Variants in SLC39A11 observed in about 807,000 individuals in gnomAD.
The protein encoded by SLC39A11 is solute carrier family 39 member 11, also known as zinc transporter ZIP11.
In SLC39A11, 33 loss-of-function variants were observed where a neutral mutation model predicts 36.1. The observed-to-expected ratio is 0.91, with a 90% confidence interval of 0.69 to 1.22. The LOEUF (loss-of-function observed/expected upper bound fraction) is 1.22, where lower values mean the gene tolerates loss of function less well. Among genes scored for constraint, SLC39A11 ranks in the 50% most tolerant of loss-of-function variants. SLC39A11 has a pLI of 0.00. For synonymous variants in SLC39A11, 166 were observed against 170.3 expected (o/e 0.97, Z 0.20); for missense variants, 432 against 430.3 (o/e 1.00, Z -0.03).
chr17:73,081,667 A>ATATATGTATATATGTATG (rs1465158762), intron 3 of SLC39A11, among the ~76,000 whole-genome samples: 11 of 144,442 alleles, frequency 7.6e-5, no homozygotes, highest in South Asian at 2.2e-4. Context: ...ACACACACAC[A>ATATATGTATATATGTATG]CACATATATA....
intron 4 of SLC39A11, among the ~76,000 whole-genome samples, chr17:73,025,007 C>T (rs754761883): frequency 3.3e-5 from 5 of 151,958 alleles, no homozygotes; most frequent in Admixed American, 1.3e-4. Flanking sequence ...TGAGCTACCG[C>T]GCCTGGCCAA....
At chr17:72,881,109 T>C (rs376378111) in intron 5 of SLC39A11, among the ~76,000 whole-genome samples, 7 of 151,982 alleles carry the variant, frequency 4.6e-5, no homozygotes, top group East Asian at 2.0e-4. Flanking sequence ...GGTAGTTACT[T>C]AAAAAGTTAA....
chr17:72,877,923 C>T (rs888845739), intron 5 of SLC39A11, among the ~76,000 whole-genome samples: 1 of 150,972 alleles, frequency 6.6e-6, no homozygotes, highest in African/African-American at 2.4e-5. Flanking sequence ...CACGCATTAA[C>T]TCATCATTTA....
chr17:73,035,997 C>G (rs1355506861), intron 3 of SLC39A11, among the ~76,000 whole-genome samples: 1 of 151,870 alleles, frequency 6.6e-6, no homozygotes, highest in Non-Finnish European at 1.5e-5. Context: ...AGGCCATCTG[C>G]TAGGGAAGGG....
At chr17:72,882,710 GA>G (rs2081255384) in intron 5 of SLC39A11, among the ~76,000 whole-genome samples, 1 of 151,978 alleles carries the variant, frequency 6.6e-6, no homozygotes, top group Non-Finnish European at 1.5e-5. Flanking sequence ...CATTGGCAAG[GA>G]AAGTAACACC....
At chr17:72,791,646 C>G (rs1463512489) in intron 6 of SLC39A11, among the ~76,000 whole-genome samples, 1 of 152,134 alleles carries the variant, frequency 6.6e-6, no homozygotes, top group Non-Finnish European at 1.5e-5. Flanking sequence ...TGTCCCCACC[C>G]AAATCTCATC....
intron 4 of SLC39A11, among the ~76,000 whole-genome samples, chr17:72,982,656 A>T (rs1342742648): frequency 6.6e-6 from 1 of 151,506 alleles, no homozygotes; most frequent in Admixed American, 6.6e-5. Context: ...AGAAATCTGG[A>T]AATAGAATCT....
intron 3 of SLC39A11, among the ~76,000 whole-genome samples, chr17:73,065,951 C>T (rs1599114078): frequency 1.3e-5 from 2 of 152,086 alleles, no homozygotes; most frequent in East Asian, 3.9e-4. Context: ...CAAGTGACAG[C>T]TGAGAATGGC....
chr17:72,802,590 CAA>C (rs56050103), intron 6 of SLC39A11, among the ~76,000 whole-genome samples: 4,503 of 112,714 alleles, frequency 0.04, 104 homozygotes, highest in Non-Finnish European at 0.056. Context: ...AACTCCATCT[CAA>C]AAAAAAAAAA....
intron 3 of SLC39A11, chr17:73,067,816 G>C (rs551179071): frequency 6.7e-7 from 1 of 1,489,868 alleles, no homozygotes; most frequent in East Asian, 2.3e-5. Context: ...TTTCAGAGCT[G>C]TCTCTTCTGT....
At position 72,900,148 on chromosome 17, in the gene SLC39A11, GAAAGAAAAGAAA is replaced by G. The variant is rs1255146906; in HGVS notation, c.430+47592_430+47603del. 1.9e-3 allele frequency among the ~76,000 whole-genome samples: 187 copies of G among 96,628 alleles called. 19 individuals carry two copies. Among genetic ancestry groups the G allele is most frequent in the African/African-American group, 7.3e-3 (168 of 22,872 alleles). The allele number at this position is 96,628 out of a possible 152,430, so 63.4% of individuals were successfully genotyped here. On this transcript the variant is annotated intron_variant, in intron 5 of 9. Transcript: ENST00000255559. Reference sequence around the variant, plus strand: ...AAAGAAAGAAAGAAAGAAAAAGAAAGAAAGAAAAGAAAGAAAGAAAGAAAGAAAGAAAGAAAG... The same window carrying G: ...AAAGAAAGAAAGAAAGAAAAAGAAAGGAAAGAAAGAAAGAAAGAAAGAAAG...
chr17:72,997,647 T>G (rs1347662684), intron 4 of SLC39A11, among the ~76,000 whole-genome samples: 1 of 152,220 alleles, frequency 6.6e-6, no homozygotes, highest in Non-Finnish European at 1.5e-5. Flanking sequence ...AATGGAAAAT[T>G]CCAAAAATAA....
Position 72,939,659 on chromosome 17 carries a change from T to G in SLC39A11, c.430+8093A>C, listed in dbSNP as rs529785690. On this transcript the variant is annotated intron_variant, in intron 5 of 9. Coordinates refer to ENST00000255559, the MANE Select transcript of SLC39A11 (RefSeq NM_139177.4). ...GGTCACAATGTGGGCAGAGATTGAA[T>G]TGATGCAGCTACAAGCCAGGAAACG... Among the ~76,000 whole-genome samples the G allele has an allele frequency of 1.8e-3, 269 of 152,208 alleles. 2 individuals are homozygous for G. Among genetic ancestry groups the G allele is most frequent in the African/African-American group, 6.4e-3 (265 of 41,504 alleles).
At chr17:72,794,045 A>G (rs531945104) in intron 6 of SLC39A11, among the ~76,000 whole-genome samples, 1 of 152,306 alleles carries the variant, frequency 6.6e-6, no homozygotes, top group African/African-American at 2.4e-5. Flanking sequence ...AATCTAGGCC[A>G]TTGTTAGCAT....
At chr17:73,006,576 G>A (rs2090189507) in intron 4 of SLC39A11, among the ~76,000 whole-genome samples, 1 of 152,040 alleles carries the variant, frequency 6.6e-6, no homozygotes, top group South Asian at 2.1e-4. Context: ...CCCTGCTTTA[G>A]TTCACCCGAC....
chr17:72,853,007 T>TCTAA (rs141836503), intron 5 of SLC39A11, among the ~76,000 whole-genome samples: 1 of 151,374 alleles, frequency 6.6e-6, no homozygotes, highest in Non-Finnish European at 1.5e-5. Flanking sequence ...CTTGCAGACT[T>TCTAA]TTGATTGATT....
chr17:72,928,541 TG>T (rs2084190334), intron 5 of SLC39A11, among the ~76,000 whole-genome samples: 1 of 151,772 alleles, frequency 6.6e-6, no homozygotes, highest in South Asian at 2.1e-4. Context: ...GAGCAGTGGG[TG>T]GGAAAAAGTG....
chr17:72,727,637 G>A (rs1479106505), intron 7 of SLC39A11, among the ~76,000 whole-genome samples: 3 of 140,834 alleles, frequency 2.1e-5, no homozygotes, highest in Non-Finnish European at 4.6e-5. Flanking sequence ...GGGTGAAAGA[G>A]TGAGACTCCG....
intron 4 of SLC39A11, among the ~76,000 whole-genome samples, chr17:72,982,962 A>T (rs1344129982): frequency 6.6e-6 from 1 of 152,168 alleles, no homozygotes; most frequent in African/African-American, 2.4e-5. Context: ...CATCCAGGCA[A>T]GGTCAACTCA....
Sources: gnomAD v4.1 joint callset for allele counts (sites outside exome capture counted in the v4.1 genomes callset) on GRCh38, gnomAD v4.1.1 for gene constraint, MANE v1.5 for transcripts, NCBI Gene and HGNC (gene_info 2026-07-23, HGNC 2026-07-21) for gene names.